Variants in KCNMA1 observed in about 807,000 individuals in gnomAD.
KCNMA1 encodes the protein potassium calcium-activated channel subfamily M alpha 1.
In KCNMA1, 29 loss-of-function variants were observed where a neutral mutation model predicts 140.0. That is an observed-to-expected ratio of 0.21 (90% CI 0.15 to 0.28). The LOEUF is 0.28. Among genes scored for constraint, KCNMA1 ranks in the 10% least tolerant of loss-of-function variants. The pLI, the probability that KCNMA1 is intolerant of heterozygous loss-of-function variation, is 1.00. For synonymous variants in KCNMA1, 612 were observed against 611.9 expected, an observed-to-expected ratio of 1.00 and a Z score of 0.00; for missense variants, 880 against 1,602.2, an observed-to-expected ratio of 0.55 and a Z score of 7.70.
At chr10:76,997,599 C>G (rs1246215627) in intron 19 of KCNMA1, among the ~76,000 whole-genome samples, 3 of 152,144 alleles carry the variant, frequency 2.0e-5, no homozygotes, top group African/African-American at 4.8e-5. Flanking sequence ...AATCAGATAG[C>G]AGGCAAGACT....
intron 1 of KCNMA1, among the ~76,000 whole-genome samples, chr10:77,585,223 A>G (rs1048146826): frequency 6.6e-6 from 1 of 152,164 alleles, no homozygotes; most frequent in Non-Finnish European, 1.5e-5. Flanking sequence ...AAATGGCTGC[A>G]ACTCCTGCAC....
intron 16 of KCNMA1, 137 bp downstream of exon 16, chr10:77,027,686 T>C: frequency 1.3e-6 from 1 of 793,472 alleles, no homozygotes; most frequent in Non-Finnish European, 2.2e-6. Context: ...CGAAATGTGC[T>C]CTAGGGTCAG....
intron 19 of KCNMA1, among the ~76,000 whole-genome samples, chr10:76,993,624 C>T (rs2083384710): frequency 6.6e-6 from 1 of 152,204 alleles, no homozygotes; most frequent in Non-Finnish European, 1.5e-5. Flanking sequence ...TGTTTGTCTC[C>T]TCCCCGAGAG....
chr10:76,886,161 C>A lies in KCNMA1; in HGVS notation c.*1105G>T. 2.0e-6 allele frequency: 2 copies of A among 985,426 alleles called. No homozygotes were observed. Among genetic ancestry groups the A allele is most frequent in the Non-Finnish European group, 2.4e-6 (2 of 829,936 alleles). 61.0% of individuals were successfully genotyped at this position (985,426 alleles called of 1,614,324 possible). A position where few individuals can be genotyped will look rare whatever the true frequency, so the allele number is the denominator to read the frequency against. ...TCGGCTCCTAGAAAAGCATGATCTG[C>A]AGCTGGGTTTGTCTTCCTCTCACTC... On this transcript the variant is annotated 3_prime_UTR_variant, in exon 28 of 28. Coordinates refer to ENST00000286628, the MANE Select transcript of KCNMA1 (RefSeq NM_001161352.2).
At chr10:77,101,460 T>A (rs1286673871) in intron 9 of KCNMA1, among the ~76,000 whole-genome samples, 1 of 152,246 alleles carries the variant, frequency 6.6e-6, no homozygotes, top group Non-Finnish European at 1.5e-5. Context: ...CAGTTCTTCA[T>A]ATCTTTATAA....
intron 17 of KCNMA1, among the ~76,000 whole-genome samples, chr10:77,017,963 T>C (rs2092365628): frequency 6.6e-6 from 1 of 152,132 alleles, no homozygotes; most frequent in South Asian, 2.1e-4. Context: ...AAGAATGTGG[T>C]AGTATTATTA....
intron 2 of KCNMA1, among the ~76,000 whole-genome samples, chr10:77,389,498 T>C (rs2095735613): frequency 6.6e-6 from 1 of 152,086 alleles, no homozygotes; most frequent in Non-Finnish European, 1.5e-5. Context: ...GGGGCTGTTA[T>C]CTCACCCAAG....
intron 1 of KCNMA1, among the ~76,000 whole-genome samples, chr10:77,429,883 G>T (rs1210126320): frequency 6.6e-6 from 1 of 152,086 alleles, no homozygotes; most frequent in Non-Finnish European, 1.5e-5. Context: ...GCAAGTCAGG[G>T]TTCAAAATCC....
At chr10:77,565,489 C>CATGATTGAGACATTG (rs1219957581) in intron 1 of KCNMA1, among the ~76,000 whole-genome samples, 2 of 152,226 alleles carry the variant, frequency 1.3e-5, no homozygotes, top group Non-Finnish European at 2.9e-5. Context: ...ATTCAACACA[C>CATGATTGAGACATTG]AGCTCAGACA....
chr10:77,118,044 C>T (rs1236521901), intron 6 of KCNMA1, among the ~76,000 whole-genome samples: 1 of 152,170 alleles, frequency 6.6e-6, no homozygotes, highest in African/African-American at 2.4e-5. Context: ...GTGAGGCAGC[C>T]AAAGTACTGG....
intron 2 of KCNMA1, among the ~76,000 whole-genome samples, chr10:77,320,613 A>G (rs2082080661): frequency 2.0e-5 from 3 of 152,136 alleles, no homozygotes; most frequent in Admixed American, 6.5e-5. Context: ...GCACACAGGT[A>G]TGTATTCCCC....
intron 2 of KCNMA1, among the ~76,000 whole-genome samples, chr10:77,257,770 T>C (rs2061104690): frequency 6.6e-6 from 1 of 152,176 alleles, no homozygotes; most frequent in Non-Finnish European, 1.5e-5. Flanking sequence ...GATGGTTTTA[T>C]AAAGGGGAGT....
rs889192830 is a variant in KCNMA1 at position 77,609,270 on chromosome 10, A to G, written c.378+27995T>C. ...GTGGAACACTATTCAGCCTTTAAAA[A>G]AGAAGGATATCCTGCCATTTCCAAC... On this transcript the variant is annotated intron_variant, in intron 1 of 27. Transcript: ENST00000286628. Among the ~76,000 whole-genome samples, 5 of 152,356 alleles carry G rather than the reference A, an allele frequency of 3.3e-5. No individual in the cohort carries two copies. The South Asian group carries it at 6.2e-4, about 19-fold the overall frequency.
At chr10:77,379,844 G>A (rs889709551) in intron 2 of KCNMA1, among the ~76,000 whole-genome samples, 1 of 152,026 alleles carries the variant, frequency 6.6e-6, no homozygotes, top group African/African-American at 2.4e-5. Context: ...CAAAACATTT[G>A]GTGTCCACTT....
At chr10:77,407,229 G>A (rs1045271768) in intron 1 of KCNMA1, among the ~76,000 whole-genome samples, 2 of 152,166 alleles carry the variant, frequency 1.3e-5, no homozygotes, top group Non-Finnish European at 2.9e-5. Flanking sequence ...CCTGATGCCA[G>A]CCGGCCAGAC....
intron 5 of KCNMA1, among the ~76,000 whole-genome samples, chr10:77,134,864 G>T (rs976718455): frequency 3.3e-5 from 5 of 151,416 alleles, no homozygotes; most frequent in Non-Finnish European, 7.4e-5. Context: ...CGGGTGTGGT[G>T]GTGGGCACCT....
In KCNMA1 at chr10:77,079,768, G is replaced by GT. The variant is rs2096516765; in HGVS notation, c.1524-219_1524-218insA. 1.4e-5 allele frequency: 8 copies of GT among 588,782 alleles called. No homozygotes were observed. In the Admixed American group the frequency reaches 1.9e-4, roughly 14 times the overall value. 36.5% of individuals were successfully genotyped at this position (588,782 alleles called of 1,614,324 possible). On this transcript the variant is annotated intron_variant, in intron 12 of 27. Transcript: ENST00000286628. ...TTTCACTGGACAAGCCCAGCAGTGT[G>GT]CCCTGTCAGTTTACCATTGCCATGG...
At chr10:77,213,067 T>C (rs543563863) in intron 3 of KCNMA1, among the ~76,000 whole-genome samples, 1 of 152,332 alleles carries the variant, frequency 6.6e-6, no homozygotes, top group East Asian at 1.9e-4. Flanking sequence ...GCAATTGGTG[T>C]AATTAAATCT....
chr10:77,353,810 T>C (rs1490326536), intron 2 of KCNMA1, among the ~76,000 whole-genome samples: 1 of 152,116 alleles, frequency 6.6e-6, no homozygotes, highest in Non-Finnish European at 1.5e-5. Flanking sequence ...GAATGACAGA[T>C]TAGAACTCAG....
Sources: allele counts gnomAD v4.1 joint callset (sites outside exome capture counted in the v4.1 genomes callset), GRCh38; gene constraint gnomAD v4.1.1; transcripts MANE v1.5; gene names NCBI Gene and HGNC (gene_info 2026-07-23, HGNC 2026-07-21).